CARS2: variants seen among roughly 807,000 people sequenced by gnomAD.
CARS2 encodes cysteinyl-tRNA synthetase 2, mitochondrial.
In CARS2, 52 loss-of-function variants were observed where a neutral mutation model predicts 68.8. That is an observed-to-expected ratio of 0.76 (90% CI 0.61 to 0.95). The LOEUF (loss-of-function observed/expected upper bound fraction) is 0.95. CARS2 is among the 40% of genes least tolerant of loss of function. The probability of loss-of-function intolerance (pLI) is 0.00; values close to 1 mark genes in which losing one functional copy is unlikely to be tolerated. For synonymous variants in CARS2, 314 were observed against 303.6 expected, an observed-to-expected ratio of 1.03 and a Z score of -0.36; for missense variants, 780 against 754.2, an observed-to-expected ratio of 1.03 and a Z score of -0.40.
At chr13:110,646,435 C>T (rs550470389) in intron 11 of CARS2, 57 of 183,650 alleles carry the variant, frequency 3.1e-4, no homozygotes, top group African/African-American at 1.3e-3. Context: ...TGACCACTCA[C>T]AAAGAGAGGC....
rs776195135 is a variant in CARS2 at position 110,687,696 on chromosome 13, A to G, written c.571+25T>C. 8 of 1,421,702 alleles carry G rather than the reference A, an allele frequency of 5.6e-6. No individual in the cohort carries two copies. The South Asian group carries it at 6.3e-5, about 11-fold the overall frequency. The allele number at this position is 1,421,702 out of a possible 1,614,324, so 88.1% of individuals were successfully genotyped here. ...TCTGTCTCAAAAAAAAAAAAAGAAA[A>G]AAAAAAAAAGAACATAAACCCTACC... On this transcript the variant is annotated intron_variant, in intron 5 of 14. Coordinates refer to ENST00000257347, the MANE Select transcript of CARS2 (RefSeq NM_024537.4).
chr13:110,701,648 A>T, intron 2 of CARS2, 93 bp from the exon 3 acceptor site: 1 of 734,950 alleles, frequency 1.4e-6, no homozygotes. Context: ...GCTGCTCCAT[A>T]ACTTCTACTG....
intron 13 of CARS2, chr13:110,643,589 G>A (rs950834516): frequency 6.5e-5 from 10 of 154,364 alleles, no homozygotes; most frequent in South Asian, 6.1e-4. Flanking sequence ...GGCAGCCCCC[G>A]TCCAGGCAGC....
chr13:110,644,685 G>A, intron 12 of CARS2: 1 of 872,766 alleles, frequency 1.1e-6, no homozygotes, highest in Non-Finnish European at 1.7e-6. Context: ...GGAATCTCTT[G>A]TGCCTCAGTT....
chr13:110,643,109 A>C (rs2139670243), intron 13 of CARS2: 2 of 258,980 alleles, frequency 7.7e-6, no homozygotes, highest in East Asian at 1.1e-4. Context: ...AACTACTTAA[A>C]CCTCACACAC....
Position 110,676,971 on chromosome 13 carries a change from T to G in CARS2, c.785+3A>C. The G allele has an allele frequency of 6.4e-7, 1 of 1,553,620 alleles. No individual in the cohort carries two copies. Among genetic ancestry groups the G allele is most frequent in the Non-Finnish European group, 8.8e-7 (1 of 1,142,838 alleles). ...AACCCCCAGGAAGCGGCAGGCACCT[T>G]ACCTAGCGATGGCAGAGCACTCGAT... On this transcript the variant is annotated splice_donor_region_variant and intron_variant, in intron 7 of 14. Transcript: ENST00000257347. The surrounding 1 kb of genome is among the most constrained non-coding windows in gnomAD (Gnocchi z 4.0).
intron 8 of CARS2, chr13:110,664,293 GC>G: frequency 1.4e-6 from 1 of 729,172 alleles, no homozygotes; most frequent in Non-Finnish European, 1.7e-6. Flanking sequence ...GACCGCTTGA[GC>G]CCAGGAGTTT....
At position 110,662,167 on chromosome 13, in the gene CARS2, C is replaced by T. The variant is rs1041806348; in HGVS notation, c.987+1284G>A. ...CAAGGTCCCTGCAGTGGCCGGGCTC[C>T]GACCCACTCTGCACCATGCAACCCC... On this transcript the variant is annotated intron_variant, in intron 9 of 14. Coordinates refer to ENST00000257347, the MANE Select transcript of CARS2 (RefSeq NM_024537.4). 7.2e-5 allele frequency among the ~76,000 whole-genome samples: 11 copies of T among 152,214 alleles called. No homozygotes were observed. In the South Asian group the frequency reaches 8.3e-4, roughly 11 times the overall value.
exon 1 of CARS2, chr13:110,713,224 G>A: frequency 2.1e-6 from 3 of 1,416,230 alleles, no homozygotes; most frequent in South Asian, 3.2e-5. Context: ...GTTCTGTTTC[G>A]GGCCCTACTT....
At chr13:110,655,444 G>A (rs1566662159) in intron 9 of CARS2, among the ~76,000 whole-genome samples, 5 of 152,174 alleles carry the variant, frequency 3.3e-5, no homozygotes, top group Admixed American at 1.3e-4. Flanking sequence ...ACAGCCATTC[G>A]AGAGAATGAA....
At position 110,706,028 on chromosome 13, in the gene CARS2, C is replaced by G; in HGVS notation, c.66G>C (p.Gly22=). The change falls in exon 1 of 15, where the codon GGG becomes GGC. Residue 22 remains glycine (G), a synonymous_variant. Transcript: ENST00000257347. The part of the protein sequence containing the change: ...PPLLQAALGL[G]RAGWHWPAGR... ...CCGCAGGCCAGTGCCACCCAGCCCG[C>G]CCAAGGCCCAGCGCGGCCTGGAGCA... is the stretch of plus-strand genomic sequence containing the variant. 48 of 1,407,700 alleles carry G rather than the reference C, an allele frequency of 3.4e-5. No individual in the cohort carries two copies. Among genetic ancestry groups the G allele is most frequent in the Non-Finnish European group, 4.4e-5 (48 of 1,084,224 alleles). The allele number at this position is 1,407,700 out of a possible 1,614,324, so 87.2% of individuals were successfully genotyped here.
upstream of CARS2, among the ~76,000 whole-genome samples, chr13:110,707,177 AAT>A (rs1327733453): frequency 3.4e-5 from 5 of 145,234 alleles, no homozygotes; most frequent in Non-Finnish European, 7.6e-5. Context: ...TGTGCACCTC[AAT>A]AGAGTGTGCG....
At chr13:110,704,015 T>C (rs1042640562) in intron 2 of CARS2, among the ~76,000 whole-genome samples, 2 of 152,232 alleles carry the variant, frequency 1.3e-5, no homozygotes, top group Admixed American at 6.5e-5. Context: ...TTCTACCATG[T>C]GAGGACACAG....
At chr13:110,660,882 C>A (rs1196820835) in intron 9 of CARS2, among the ~76,000 whole-genome samples, 1 of 151,844 alleles carries the variant, frequency 6.6e-6, no homozygotes. Flanking sequence ...CTGCCTCAGC[C>A]TCCCAAGTAG....
At chr13:110,711,461 G>C (rs375784244), upstream of CARS2, among the ~76,000 whole-genome samples, 5 of 152,308 alleles carry the variant, frequency 3.3e-5, no homozygotes, top group South Asian at 1.0e-3. Flanking sequence ...CAATTCGCCC[G>C]CCTCGGCCTC....
chr13:110,671,593 C>A (rs903694929), intron 7 of CARS2, among the ~76,000 whole-genome samples: 6 of 152,214 alleles, frequency 3.9e-5, no homozygotes, highest in African/African-American at 1.4e-4. Context: ...ACAACCAGTA[C>A]CAGCCACTGC....
intron 7 of CARS2, among the ~76,000 whole-genome samples, chr13:110,674,547 C>T (rs1156509387): frequency 2.0e-5 from 3 of 151,304 alleles, no homozygotes; most frequent in Non-Finnish European, 4.4e-5. Flanking sequence ...TATCCTTACA[C>T]AAAATTAATT....
chr13:110,697,332 T>C (rs1485117285), intron 3 of CARS2, among the ~76,000 whole-genome samples: 1 of 152,264 alleles, frequency 6.6e-6, no homozygotes, highest in East Asian at 1.9e-4. Flanking sequence ...GAAATACATT[T>C]AAAGTGGGAG....
intron 3 of CARS2, chr13:110,688,712 C>A (rs879211740): frequency 6.6e-6 from 1 of 152,286 alleles, no homozygotes; most frequent in African/African-American, 2.4e-5. Context: ...GAGTTTGAGA[C>A]CAGCCTGGCC....
Sources: gnomAD v4.1 joint callset for allele counts (sites outside exome capture counted in the v4.1 genomes callset) on GRCh38, gnomAD v4.1.1 for gene constraint, Gnocchi (gnomAD v3.1) non-coding constraint, MANE v1.5 for transcripts, NCBI Gene and HGNC (gene_info 2026-07-23, HGNC 2026-07-21) for gene names.